The following ZNF536 variants were observed in gnomAD, a reference collection of about 807,000 sequenced individuals.
ZNF536 encodes zinc finger protein 536.
A neutral mutation model predicts 84.5 loss-of-function variants in ZNF536; 13 were observed. The ratio of observed to expected loss-of-function variants is 0.15; its 90% CI spans 0.10 to 0.24. ZNF536 has a LOEUF of 0.24. Ranked by LOEUF, ZNF536 falls within the 10% of genes least tolerant of loss-of-function variation. The pLI is 1.00. For synonymous variants in ZNF536, 811 were observed against 742.5 expected (o/e 1.09, Z -1.50); for missense variants, 1,536 against 1,747.5 (o/e 0.88, Z 2.16).
chr19:30,394,959 A>G (rs2049753247), intron 1 of ZNF536, among the ~76,000 whole-genome samples: 1 of 152,172 alleles, frequency 6.6e-6, no homozygotes, highest in South Asian at 2.1e-4. Flanking sequence ...AGTCTTGCAC[A>G]TCTGCTTCCC....
chr19:30,357,296 G>A (rs543327909), intron 3 of ZNF536, among the ~76,000 whole-genome samples: 1 of 152,328 alleles, frequency 6.6e-6, no homozygotes, highest in South Asian at 2.1e-4. Flanking sequence ...GAGCATTGGA[G>A]CAGAAAGAAC....
chr19:30,336,122 C>T (rs997094357), intron 2 of ZNF536, among the ~76,000 whole-genome samples: 13 of 152,170 alleles, frequency 8.5e-5, no homozygotes, highest in Admixed American at 4.6e-4. Context: ...GCCTACTGAG[C>T]GCAGACTGTA....
intron 1 of ZNF536, among the ~76,000 whole-genome samples, chr19:30,682,891 TGAC>T (rs1440485895): frequency 6.6e-6 from 1 of 152,234 alleles, no homozygotes; most frequent in African/African-American, 2.4e-5. Context: ...CTGGTCTCCA[TGAC>T]GACAAGATGG....
At chr19:30,446,241 A>G (rs1276224744) in intron 2 of ZNF536, among the ~76,000 whole-genome samples, 15 of 87,942 alleles carry the variant, frequency 1.7e-4, no homozygotes, top group Admixed American at 5.9e-4. Flanking sequence ...AGAGTGAGAC[A>G]CTGTCTCAAA....
At chr19:30,642,402 C>T (rs1467390634) in intron 1 of ZNF536, among the ~76,000 whole-genome samples, 1 of 152,118 alleles carries the variant, frequency 6.6e-6, no homozygotes, top group Non-Finnish European at 1.5e-5. Flanking sequence ...ACAGTCTGTC[C>T]TCCATCTCTG....
chr19:30,233,741 G>T (rs560420589), intron 1 of ZNF536, among the ~76,000 whole-genome samples: 2 of 152,164 alleles, frequency 1.3e-5, no homozygotes, highest in Non-Finnish European at 2.9e-5. Flanking sequence ...CAGAATTCAG[G>T]AAGGAAAACT....
At chr19:30,245,559 A>C (rs1214231849) in intron 1 of ZNF536, among the ~76,000 whole-genome samples, 1 of 152,260 alleles carries the variant, frequency 6.6e-6, no homozygotes, top group Non-Finnish European at 1.5e-5. Context: ...AGACTGTCCC[A>C]TGACGCATCC....
At chr19:30,280,949 T>A (rs1328731854) in intron 1 of ZNF536, among the ~76,000 whole-genome samples, 1 of 152,054 alleles carries the variant, frequency 6.6e-6, no homozygotes, top group Non-Finnish European at 1.5e-5. Flanking sequence ...GCTCATTCAG[T>A]GAACATGGCT....
chr19:30,563,488 T>A (rs1599819428), intron 1 of ZNF536, among the ~76,000 whole-genome samples: 1 of 152,176 alleles, frequency 6.6e-6, no homozygotes. Flanking sequence ...GGTTTTTGGG[T>A]TTCATTAAGA....
At chr19:30,639,800 G>T (rs1026765866) in intron 1 of ZNF536, among the ~76,000 whole-genome samples, 1 of 152,154 alleles carries the variant, frequency 6.6e-6, no homozygotes, top group Non-Finnish European at 1.5e-5. Flanking sequence ...TCAGCATCTC[G>T]TTGGCTGCCA....
chr19:30,678,592 T>A (rs1167018592), intron 1 of ZNF536, among the ~76,000 whole-genome samples: 1 of 152,124 alleles, frequency 6.6e-6, no homozygotes, highest in Non-Finnish European at 1.5e-5. Flanking sequence ...AGAGAAGGCA[T>A]GATATTGCTC....
In ZNF536 at chr19:30,640,097, A is replaced by T. The variant is rs537152852; in HGVS notation, c.170-70660A>T. Among the ~76,000 whole-genome samples, 19 of 152,196 alleles carry T rather than the reference A, an allele frequency of 1.2e-4. No individual in the cohort carries two copies. The South Asian group carries it at 3.9e-3, about 32-fold the overall frequency. ...TCCATCACTACCAAAAAATACAAAA[A>T]TTAGCTGGGCGTGGTGGCACGTGCC... On this transcript the variant is annotated intron_variant, in intron 1 of 1. Coordinates refer to the ZNF536 transcript ENST00000592773.
Position 30,443,673 on chromosome 19 carries a change from C to T in ZNF536, c.111C>T (p.His37=), listed in dbSNP as rs756241546. Reference sequence around the variant, plus strand: ...AGTATGCCATGAGTCAGAAGCTGCACCAGATCACCTCCCAGCTCAGCCATG... The same window carrying T: ...AGTATGCCATGAGTCAGAAGCTGCATCAGATCACCTCCCAGCTCAGCCATG... ...NGQYAMSQKL[H]QITSQLSHAF... Residue 37 remains histidine, a synonymous_variant, in exon 2 of 5, where the codon CAC becomes CAT. Coordinates refer to ENST00000355537, the MANE Select transcript of ZNF536 (RefSeq NM_014717.3). 6.2e-7 allele frequency: 1 copy of T among 1,613,860 alleles called. No homozygotes were observed. The highest frequency in any genetic ancestry group is 1.1e-5 in the South Asian group (1 of 91,028).
At chr19:30,553,465 C>T (rs1310173892) in intron 4 of ZNF536, among the ~76,000 whole-genome samples, 1 of 152,244 alleles carries the variant, frequency 6.6e-6, no homozygotes, top group Non-Finnish European at 1.5e-5. Context: ...AGAGAGATGG[C>T]CAGGGTGTGG....
At chr19:30,384,543 G>A (rs2049259228) in intron 1 of ZNF536, among the ~76,000 whole-genome samples, 1 of 151,480 alleles carries the variant, frequency 6.6e-6, no homozygotes, top group Non-Finnish European at 1.5e-5. Context: ...TGTCCTGGGT[G>A]GGACCCTGCT....
At chr19:30,299,554 G>T (rs983245010) in intron 2 of ZNF536, among the ~76,000 whole-genome samples, 21 of 152,078 alleles carry the variant, frequency 1.4e-4, no homozygotes, top group African/African-American at 3.6e-4. Flanking sequence ...TGGGGAGAAG[G>T]TTTAGATTTT....
At chr19:30,257,034 C>T (rs1383683650) in intron 1 of ZNF536, among the ~76,000 whole-genome samples, 1 of 152,168 alleles carries the variant, frequency 6.6e-6, no homozygotes, top group Non-Finnish European at 1.5e-5. Flanking sequence ...GAAATGTTCG[C>T]CATTTTACCA....
rs2045998234 is a variant in ZNF536 at position 30,557,215 on chromosome 19, T to C, written c.*51T>C. On this transcript the variant is annotated 3_prime_UTR_variant, in exon 5 of 5. Coordinates refer to ENST00000355537, the MANE Select transcript of ZNF536 (RefSeq NM_014717.3). The stretch of plus-strand genomic sequence containing the variant: ...TGGACTTGCCCTTGTCTGTTCGTGG[T>C]CCTCGGTGGTTATCTGCAGCTTGTT... The C allele has an allele frequency of 2.5e-6, 4 of 1,605,554 alleles. No individual in the cohort carries two copies. The South Asian group carries it at 3.3e-5, about 13-fold the overall frequency.
intron 1 of ZNF536, among the ~76,000 whole-genome samples, chr19:30,578,676 T>G (rs1326035543): frequency 1.3e-5 from 2 of 152,244 alleles, no homozygotes; most frequent in Non-Finnish European, 2.9e-5. Flanking sequence ...CTTGAAATAC[T>G]GGCCTCTTCA....
Sources: allele counts gnomAD v4.1 joint callset (sites outside exome capture counted in the v4.1 genomes callset), GRCh38; gene constraint gnomAD v4.1.1; transcripts MANE v1.5; gene names NCBI Gene and HGNC (gene_info 2026-07-23, HGNC 2026-07-21).